The following PRPF38A variants were observed in gnomAD, a reference collection of about 807,000 sequenced individuals.
PRPF38A encodes the protein pre-mRNA processing factor 38A, also known as pre-mRNA-splicing factor 38A.
PRPF38A carries 11 observed loss-of-function variants against 46.8 expected under a neutral mutation model. The ratio of observed to expected loss-of-function variants is 0.24; its 90% CI spans 0.15 to 0.39. The LOEUF is 0.39. Ranked by LOEUF, PRPF38A falls within the 10% of genes least tolerant of loss-of-function variation. PRPF38A has a pLI of 1.00. For missense variants in PRPF38A, 261 were observed against 407.5 expected (o/e 0.64, Z 3.10); for synonymous variants, 124 against 136.2 (o/e 0.91, Z 0.62).
chr1:52,414,543 A>G lies in PRPF38A; in HGVS notation c.723-78A>G, dbSNP rs1207384089. 5.4e-6 allele frequency: 8 copies of G among 1,478,450 alleles called. No homozygotes were observed. The Admixed American group carries it at 8.9e-5, about 16-fold the overall frequency. The allele number at this position is 1,478,450 out of a possible 1,614,324, so 91.6% of individuals were successfully genotyped here. ...TGGGTGATACAGAGAAGCGTGAAGG[A>G]TAAGATTGGGGCCGTTTTTGCAATC... On this transcript the variant is annotated intron_variant, in intron 6 of 9. Transcript: ENST00000257181.
chr1:52,415,214 AAG>A, intron 8 of PRPF38A, 122 bp from the exon 9 acceptor site: 2 of 888,658 alleles, frequency 2.3e-6, no homozygotes, highest in Non-Finnish European at 3.5e-6. Flanking sequence ...TGCTTCCACT[AAG>A]AGGTGTCCCC....
intron 3 of PRPF38A, 120 bp from the exon 4 acceptor site, chr1:52,410,995 T>G (rs2147956994): frequency 1.5e-6 from 1 of 651,356 alleles, no homozygotes; most frequent in East Asian, 2.7e-5. Flanking sequence ...CATCCCTTAA[T>G]CTCTTCTAAA....
intron 2 of PRPF38A, among the ~76,000 whole-genome samples, chr1:52,406,447 G>T (rs190710092): frequency 6.6e-6 from 1 of 152,216 alleles, no homozygotes; most frequent in East Asian, 1.9e-4. Flanking sequence ...ACGCTCAGGG[G>T]TGAAAATCAA....
intron 1 of PRPF38A, 87 bp downstream of exon 1, chr1:52,404,966 TG>T (rs1279398936): frequency 6.6e-7 from 1 of 1,504,550 alleles, no homozygotes; most frequent in African/African-American, 1.4e-5. Flanking sequence ...GACTGGCCTC[TG>T]GGGGTGGTAC....
At chr1:52,411,276 C>A in intron 4 of PRPF38A, 76 bp downstream of exon 4, 1 of 1,009,150 alleles carries the variant, frequency 9.9e-7, no homozygotes, top group Non-Finnish European at 1.5e-6. Flanking sequence ...ATACACACAG[C>A]TTAAACACTG....
chr1:52,409,906 A>G (rs1247450364), intron 3 of PRPF38A, among the ~76,000 whole-genome samples: 2 of 151,710 alleles, frequency 1.3e-5, no homozygotes, highest in African/African-American at 2.4e-5. Context: ...TGGAAGTAAC[A>G]CCTCCTTCTA....
intron 2 of PRPF38A, among the ~76,000 whole-genome samples, chr1:52,406,522 AACTATG>A (rs1171302998): frequency 6.7e-6 from 1 of 150,014 alleles, no homozygotes; most frequent in Non-Finnish European, 1.5e-5. Flanking sequence ...GTTGCCCATT[AACTATG>A]ACATTGGAGA....
intron 9 of PRPF38A, among the ~76,000 whole-genome samples, chr1:52,416,025 G>T (rs1025436888): frequency 1.4e-4 from 21 of 151,412 alleles, no homozygotes; most frequent in African/African-American, 4.6e-4. Flanking sequence ...TATATTTTTA[G>T]TAGAGACGGG....
rs141622071 is a variant in PRPF38A at position 52,414,925 on chromosome 1, T to A, written c.847+66T>A. 2,274 of 1,463,928 alleles carry A rather than the reference T, an allele frequency of 1.6e-3. 5 individuals carry two copies. The highest frequency in any genetic ancestry group is 2.1e-3 in the Non-Finnish European group (2,176 of 1,045,472). 90.7% of individuals were successfully genotyped at this position (1,463,928 alleles called of 1,614,324 possible). ...AGAAATGTAAAAGGAGTAGTTAGCCTCCTGCAGTACAGGAGTGCCTGACTG... is the reference window on the plus strand; with the variant it reads ...AGAAATGTAAAAGGAGTAGTTAGCCACCTGCAGTACAGGAGTGCCTGACTG... On this transcript the variant is annotated intron_variant, in intron 8 of 9. Transcript: ENST00000257181.
At chr1:52,411,499 A>G (rs572909228) in intron 4 of PRPF38A, among the ~76,000 whole-genome samples, 1 of 152,362 alleles carries the variant, frequency 6.6e-6, no homozygotes, top group Non-Finnish European at 1.5e-5. Flanking sequence ...CTTGTTACAA[A>G]GTCAGCACAT....
rs1648328439 is a variant in PRPF38A, at chr1:52,417,627, A to C, written c.*937A>C. The C allele has an allele frequency of 6.6e-6, 1 of 152,248 alleles. No individual in the cohort carries two copies. The highest frequency in any genetic ancestry group is 2.4e-5 in the African/African-American group (1 of 41,456). 9.4% of individuals were successfully genotyped at this position (152,248 alleles called of 1,614,324 possible). A position where few individuals can be genotyped will look rare whatever the true frequency, so the allele number is the denominator to read the frequency against. On this transcript the variant is annotated 3_prime_UTR_variant, in exon 10 of 10. Coordinates refer to ENST00000257181, the MANE Select transcript of PRPF38A (RefSeq NM_032864.4). ...TTTGAGACAGCTATGGTATAGCTAA[A>C]AACAAAAGCCCATAAAGTTGGAGAT... is the stretch of plus-strand genomic sequence containing the variant.
rs1238779824 is a variant in PRPF38A at position 52,415,395 on chromosome 1, T to C, written c.896+9T>C. The stretch of plus-strand genomic sequence containing the variant: ...TCAAAGTCTCCCGAAAGGTAATGAA[T>C]TGACCTCTATTTTAACTTTACAGAA... On this transcript the variant is annotated intron_variant, in intron 9 of 9. Transcript: ENST00000257181. The C allele has an allele frequency of 3.1e-6, 5 of 1,610,548 alleles. No individual in the cohort carries two copies. Among genetic ancestry groups the C allele is most frequent in the Non-Finnish European group, 4.2e-6 (5 of 1,177,096 alleles).
At chr1:52,412,994 C>T (rs564303358) in intron 5 of PRPF38A, among the ~76,000 whole-genome samples, 2 of 152,084 alleles carry the variant, frequency 1.3e-5, no homozygotes, top group Middle Eastern at 3.4e-3. Flanking sequence ...AGTGAGACTC[C>T]GTCTCAAAAA....
intron 9 of PRPF38A, among the ~76,000 whole-genome samples, chr1:52,415,655 T>TA (rs886653418): frequency 2.0e-5 from 3 of 152,152 alleles, no homozygotes; most frequent in African/African-American, 4.8e-5. Context: ...TTCAAGCTGA[T>TA]ACCTGTTTTG....
chr1:52,409,194 ATTAC>A (rs1464661445), intron 3 of PRPF38A: 1 of 153,658 alleles, frequency 6.5e-6, no homozygotes, highest in East Asian at 1.9e-4. Flanking sequence ...CTACAAGGAG[ATTAC>A]TTAATGTGCT....
rs1648335126 is a variant in PRPF38A, at chr1:52,417,844, G to A, written c.*1154G>A. On this transcript the variant is annotated 3_prime_UTR_variant, in exon 10 of 10. Coordinates refer to ENST00000257181, the MANE Select transcript of PRPF38A (RefSeq NM_032864.4). Reference sequence around the variant, plus strand: ...CTGGAATGGCCCATTCAGAAAGACAGGAGAATTAGGAGAGAGTGAGTGAAA... The same window carrying A: ...CTGGAATGGCCCATTCAGAAAGACAAGAGAATTAGGAGAGAGTGAGTGAAA... 1 of 152,296 alleles carries A rather than the reference G, an allele frequency of 6.6e-6. No individual in the cohort carries two copies. The highest frequency in any genetic ancestry group is 2.4e-5 in the African/African-American group (1 of 41,432). The allele number at this position is 152,296 out of a possible 1,614,324, so 9.4% of individuals were successfully genotyped here.
At chr1:52,411,750 C>CA (rs1235207932) in intron 4 of PRPF38A, among the ~76,000 whole-genome samples, 3 of 151,644 alleles carry the variant, frequency 2.0e-5, no homozygotes, top group African/African-American at 7.3e-5. Flanking sequence ...ATCCATGAGG[C>CA]ATCTTTTCAG....
At position 52,420,369 on chromosome 1, in the gene PRPF38A, CAA is replaced by C. The variant is rs1170608088; in HGVS notation, c.*3681_*3682del. Reference sequence around the variant, plus strand: ...AAATAATGGGCAATGATTATAAAGTCAAATATTATGAACACTGTCTATATAGA... The same window carrying C: ...AAATAATGGGCAATGATTATAAAGTCATATTATGAACACTGTCTATATAGA... On this transcript the variant is annotated 3_prime_UTR_variant, in exon 10 of 10. Coordinates refer to ENST00000257181, the MANE Select transcript of PRPF38A (RefSeq NM_032864.4). 6.6e-6 allele frequency: 1 copy of C among 152,034 alleles called. No homozygotes were observed. The highest frequency in any genetic ancestry group is 1.5e-5 in the Non-Finnish European group (1 of 68,006). The allele number at this position is 152,034 out of a possible 1,614,324, so 9.4% of individuals were successfully genotyped here.
At chr1:52,409,234 CA>C in intron 3 of PRPF38A, among the ~76,000 whole-genome samples, 1 of 152,326 alleles carries the variant, frequency 6.6e-6, no homozygotes, top group South Asian at 2.1e-4. Flanking sequence ...GTAATGCAGT[CA>C]AAACCTTTTC....
Sources: allele counts gnomAD v4.1 joint callset (sites outside exome capture counted in the v4.1 genomes callset), GRCh38; gene constraint gnomAD v4.1.1; transcripts MANE v1.5; gene names NCBI Gene and HGNC (gene_info 2026-07-23, HGNC 2026-07-21).